LRBA: variants seen among roughly 807,000 people sequenced by gnomAD.
LRBA encodes the protein LPS responsive beige-like anchor protein, also known as lipopolysaccharide-responsive and beige-like anchor protein.
LRBA carries 176 observed loss-of-function variants against 330.0 expected under a neutral mutation model. That is an observed-to-expected ratio of 0.53 (90% confidence interval 0.47 to 0.60). The LOEUF (loss-of-function observed/expected upper bound fraction) is 0.60. Ranked by LOEUF, LRBA falls within the 20% of genes least tolerant of loss-of-function variation. LRBA has a pLI of 0.00. For synonymous variants in LRBA, 1,230 were observed against 1,193.0 expected (o/e 1.03, Z -0.64); for missense variants, 3,259 against 3,444.8 (o/e 0.95, Z 1.35).
Position 150,828,922 on chromosome 4 carries a change from G to GTGTGTGTGT in LRBA, c.4730-302_4730-301insACACACACA, listed in dbSNP as rs1560878315. On this transcript the variant is annotated intron_variant, in intron 29 of 56. Coordinates refer to ENST00000651943, the MANE Select transcript of LRBA (RefSeq NM_001364905.1). ...GAAAAAGTCTATAATCTTTTTTGGG[G>GTGTGTGTGT]GTGTGTGTGTGTGTGTGTGTGTGTG... Among the ~76,000 whole-genome samples, 576 of 106,232 alleles carry GTGTGTGTGT rather than the reference G, an allele frequency of 5.4e-3. 8 individuals carry two copies. The highest frequency in any genetic ancestry group is 8.5e-3 in the Middle Eastern group (2 of 236). The allele number at this position is 106,232 out of a possible 152,430, so 69.7% of individuals were successfully genotyped here. A position where few individuals can be genotyped will look rare whatever the true frequency, so the allele number is the denominator to read the frequency against.
At chr4:150,271,978 A>G (rs1746179091) in intron 56 of LRBA, among the ~76,000 whole-genome samples, 1 of 152,210 alleles carries the variant, frequency 6.6e-6, no homozygotes, top group Admixed American at 6.5e-5. Flanking sequence ...TGAAGACAGC[A>G]GTGGATCTCC....
intron 40 of LRBA, among the ~76,000 whole-genome samples, chr4:150,546,675 T>C (rs900089255): frequency 1.3e-5 from 2 of 152,178 alleles, no homozygotes; most frequent in African/African-American, 4.8e-5. Flanking sequence ...CAATCCACTA[T>C]CCTTGAAAGA....
At chr4:150,835,656 C>T (rs1297942886) in intron 28 of LRBA, among the ~76,000 whole-genome samples, 1 of 152,038 alleles carries the variant, frequency 6.6e-6, no homozygotes, top group Non-Finnish European at 1.5e-5. Flanking sequence ...GATTTTGTAT[C>T]CTGAGACTTT....
intron 40 of LRBA, among the ~76,000 whole-genome samples, chr4:150,538,824 A>C (rs1427149681): frequency 7.9e-5 from 12 of 151,760 alleles, no homozygotes; most frequent in East Asian, 1.9e-4. Flanking sequence ...CAAAAAAAAA[A>C]AAAAAACAAA....
intron 5 of LRBA, 123 bp from the exon 6 acceptor site, chr4:150,916,861 A>G (rs538566339): frequency 8.1e-5 from 63 of 781,774 alleles, no homozygotes; most frequent in Middle Eastern, 7.6e-4. Flanking sequence ...TGTCACAATT[A>G]AAATATCTGA....
chr4:150,639,848 T>C (rs1312397286), intron 37 of LRBA, among the ~76,000 whole-genome samples: 16 of 73,656 alleles, frequency 2.2e-4, no homozygotes, highest in African/African-American at 8.1e-4. Flanking sequence ...TATATATATA[T>C]ATATATATAT....
At chr4:150,813,748 A>G (rs1249499326) in intron 31 of LRBA, among the ~76,000 whole-genome samples, 2 of 152,134 alleles carry the variant, frequency 1.3e-5, no homozygotes, top group East Asian at 3.8e-4. Context: ...TGAAGATATC[A>G]TGTGAATATA....
intron 43 of LRBA, 73 bp downstream of exon 43, chr4:150,471,551 T>C: frequency 1.2e-6 from 1 of 831,954 alleles, no homozygotes; most frequent in South Asian, 1.7e-5. Flanking sequence ...GTTATACCAC[T>C]ACTTAAAATA....
chr4:150,924,555 A>G (rs1287452046), intron 4 of LRBA, among the ~76,000 whole-genome samples: 4 of 152,104 alleles, frequency 2.6e-5, no homozygotes, highest in African/African-American at 9.7e-5. Context: ...TAGTAGTCAT[A>G]TTTCAAGAGT....
At chr4:150,603,854 T>G (rs1199295737) in intron 37 of LRBA, among the ~76,000 whole-genome samples, 1 of 152,164 alleles carries the variant, frequency 6.6e-6, no homozygotes, top group Non-Finnish European at 1.5e-5. Flanking sequence ...AAGAACAGAA[T>G]TTGATAGATT....
At chr4:150,476,199 T>A (rs749613931) in intron 42 of LRBA, among the ~76,000 whole-genome samples, 24 of 152,174 alleles carry the variant, frequency 1.6e-4, no homozygotes, top group Middle Eastern at 3.2e-3. Context: ...AGGTTATTGA[T>A]TTGAGGAATT....
At chr4:150,818,567 T>C (rs960034831) in intron 30 of LRBA, among the ~76,000 whole-genome samples, 5 of 149,286 alleles carry the variant, frequency 3.3e-5, no homozygotes, top group Non-Finnish European at 7.5e-5. Flanking sequence ...TGTGTGTGCG[T>C]GCACGAATGT....
intron 34 of LRBA, among the ~76,000 whole-genome samples, chr4:150,771,614 G>A (rs1351302960): frequency 2.0e-5 from 3 of 152,178 alleles, no homozygotes; most frequent in Admixed American, 2.0e-4. Context: ...TATGATGGAA[G>A]GGGTCAAATG....
In LRBA at chr4:150,350,115, A is replaced by G; in HGVS notation, c.7239T>C (p.Ile2413=). 3 of 1,602,982 alleles carry G rather than the reference A, an allele frequency of 1.9e-6. No homozygotes were observed. Among genetic ancestry groups the G allele is most frequent in the Non-Finnish European group, 2.6e-6 (3 of 1,176,152 alleles). ...EFVSCQLHQW[I]DLIFGYKQQG... ...GCTGTTTATAGCCAAAAATGAGATC[A>G]ATCCATTGGTGAAGCTGGCAGGAAA... The change falls in exon 48 of 57, where the codon ATT becomes ATC. Residue 2413 remains isoleucine, a synonymous_variant. Coordinates refer to ENST00000651943, the MANE Select transcript of LRBA (RefSeq NM_001364905.1).
chr4:151,003,775 G>C (rs1282854261), intron 2 of LRBA, among the ~76,000 whole-genome samples: 2 of 152,032 alleles, frequency 1.3e-5, no homozygotes, highest in African/African-American at 4.8e-5. Context: ...CTGGGCAACA[G>C]AGCAAGACCC....
At chr4:150,715,896 C>A (rs1265261645) in intron 36 of LRBA, among the ~76,000 whole-genome samples, 1 of 152,106 alleles carries the variant, frequency 6.6e-6, no homozygotes, top group East Asian at 1.9e-4. Context: ...AAGGAAAAAT[C>A]CTTATGTTTT....
At chr4:150,892,792 C>A (rs1274915655) in intron 17 of LRBA, among the ~76,000 whole-genome samples, 5 of 152,032 alleles carry the variant, frequency 3.3e-5, no homozygotes, top group Admixed American at 3.3e-4. Flanking sequence ...TACAGTAGCT[C>A]TATAATAGCA....
At chr4:150,701,115 C>A (rs909022385) in intron 36 of LRBA, among the ~76,000 whole-genome samples, 1 of 152,110 alleles carries the variant, frequency 6.6e-6, no homozygotes, top group African/African-American at 2.4e-5. Context: ...GAGACACAAA[C>A]ACACACATTA....
At chr4:150,408,985 C>A (rs1486182598) in intron 47 of LRBA, among the ~76,000 whole-genome samples, 2 of 151,992 alleles carry the variant, frequency 1.3e-5, no homozygotes, top group Admixed American at 6.6e-5. Context: ...CCACTCCCCC[C>A]AAATTTTTAT....
Sources: allele counts gnomAD v4.1 joint callset (sites outside exome capture counted in the v4.1 genomes callset), GRCh38; gene constraint gnomAD v4.1.1; transcripts MANE v1.5; gene names NCBI Gene and HGNC (gene_info 2026-07-23, HGNC 2026-07-21).